The following AGBL1 variants were observed in gnomAD, a reference collection of about 807,000 sequenced individuals.
AGBL1 encodes AGBL carboxypeptidase 1.
Under a neutral mutation model 118.9 loss-of-function variants are expected in AGBL1, and 130 were observed. That is an observed-to-expected ratio of 1.09 (90% CI 0.95 to 1.26). The LOEUF (loss-of-function observed/expected upper bound fraction) is 1.26. Ranked by LOEUF, AGBL1 falls within the 50% of genes most tolerant of loss-of-function variation. AGBL1 has a pLI of 0.00. For missense variants in AGBL1, 1,584 were observed against 1,298.1 expected, an observed-to-expected ratio of 1.22 and a Z score of -3.38; for synonymous variants, 555 against 478.9, an observed-to-expected ratio of 1.16 and a Z score of -2.08.
At chr15:86,161,841 C>G (rs142577596) in intron 5 of AGBL1, among the ~76,000 whole-genome samples, 9 of 152,282 alleles carry the variant, frequency 5.9e-5, no homozygotes, top group African/African-American at 1.9e-4. Context: ...CTACCAGATT[C>G]CTTGGCGAGT....
intron 1 of AGBL1, among the ~76,000 whole-genome samples, chr15:86,118,513 C>A (rs1897902343): frequency 6.6e-6 from 1 of 151,114 alleles, no homozygotes; most frequent in Non-Finnish European, 1.5e-5. Flanking sequence ...TCTTAAATTT[C>A]CTTTATTTGG....
chr15:86,406,568 A>G (rs1392775907), intron 18 of AGBL1, among the ~76,000 whole-genome samples: 1 of 152,186 alleles, frequency 6.6e-6, no homozygotes, highest in Non-Finnish European at 1.5e-5. Context: ...ATTATAATCT[A>G]TTATAATTAC....
chr15:86,699,311 T>G (rs188726286), intron 22 of AGBL1, among the ~76,000 whole-genome samples: 5 of 152,162 alleles, frequency 3.3e-5, no homozygotes, highest in Admixed American at 1.3e-4. Context: ...GTGCATTTCC[T>G]AAAAATATAT....
At chr15:86,571,988 T>C (rs1426213822) in intron 21 of AGBL1, among the ~76,000 whole-genome samples, 1 of 152,170 alleles carries the variant, frequency 6.6e-6, no homozygotes, top group African/African-American at 2.4e-5. Flanking sequence ...CTCCCTCCCA[T>C]GCTTGTTGGT....
intron 22 of AGBL1, among the ~76,000 whole-genome samples, chr15:86,718,554 G>A (rs1231600356): frequency 6.6e-6 from 1 of 152,152 alleles, no homozygotes; most frequent in Non-Finnish European, 1.5e-5. Context: ...AAACCATCCT[G>A]TGTTGATGGA....
At chr15:86,461,434 A>T (rs543376638) in intron 18 of AGBL1, among the ~76,000 whole-genome samples, 1 of 152,280 alleles carries the variant, frequency 6.6e-6, no homozygotes, top group South Asian at 2.1e-4. Flanking sequence ...CCTGGACCGC[A>T]TCTGAGAAGA....
intron 17 of AGBL1, among the ~76,000 whole-genome samples, chr15:86,342,696 T>G (rs1410086777): frequency 6.6e-6 from 1 of 152,192 alleles, no homozygotes; most frequent in Non-Finnish European, 1.5e-5. Context: ...CGCTGTGAAA[T>G]GAAGCTTCTC....
intron 21 of AGBL1, among the ~76,000 whole-genome samples, chr15:86,597,191 G>C (rs1470974341): frequency 6.7e-6 from 1 of 148,990 alleles, no homozygotes; most frequent in Non-Finnish European, 1.5e-5. Flanking sequence ...TATCTAGCTA[G>C]CTAGCCAGCT....
At chr15:86,998,762 T>C (rs1299097750) in intron 24 of AGBL1, among the ~76,000 whole-genome samples, 1 of 152,108 alleles carries the variant, frequency 6.6e-6, no homozygotes, top group African/African-American at 2.4e-5. Context: ...TGACTGCAAA[T>C]TGCACAGATG....
intron 22 of AGBL1, among the ~76,000 whole-genome samples, chr15:86,778,179 G>C (rs1009536090): frequency 6.6e-6 from 1 of 152,134 alleles, no homozygotes; most frequent in Non-Finnish European, 1.5e-5. Context: ...TATGAATAGG[G>C]TGTGGGTCAC....
At chr15:86,259,096 G>A (rs1270888053) in intron 9 of AGBL1, among the ~76,000 whole-genome samples, 1 of 152,168 alleles carries the variant, frequency 6.6e-6, no homozygotes, top group Admixed American at 6.5e-5. Context: ...GGCACTGTTG[G>A]CATTTAGACC....
At chr15:86,169,530 A>G (rs1466834124) in intron 5 of AGBL1, among the ~76,000 whole-genome samples, 1 of 152,198 alleles carries the variant, frequency 6.6e-6, no homozygotes, top group Non-Finnish European at 1.5e-5. Context: ...TAGATACCAA[A>G]ATCTGTGGAG....
At chr15:87,017,983 C>T (rs376697976) in intron 24 of AGBL1, among the ~76,000 whole-genome samples, 3 of 136,774 alleles carry the variant, frequency 2.2e-5, no homozygotes, top group African/African-American at 7.4e-5. Context: ...AAACATAACA[C>T]GAGAAATTTA....
chr15:86,101,967 T>G (rs1460412785), intron 1 of AGBL1, among the ~76,000 whole-genome samples: 1 of 152,192 alleles, frequency 6.6e-6, no homozygotes, highest in African/African-American at 2.4e-5. Flanking sequence ...CCTTTCTTTC[T>G]CTCACATTGT....
rs200576119 is a variant in AGBL1, at chr15:86,776,760, G to A, written c.3158+102324G>A. 4.0e-3 allele frequency among the ~76,000 whole-genome samples: 357 copies of A among 89,268 alleles called. 3 individuals are homozygous for A. Among genetic ancestry groups the A allele is most frequent in the East Asian group, 0.02 (60 of 3,034 alleles). The allele number at this position is 89,268 out of a possible 152,430, so 58.6% of individuals were successfully genotyped here. Reference sequence around the variant, plus strand: ...GAATTATATATATATATGTGTGTGTGTGTGTGTGTGTGTGTGTGTGTGTGT... The same window carrying A: ...GAATTATATATATATATGTGTGTGTATGTGTGTGTGTGTGTGTGTGTGTGT... On this transcript the variant is annotated intron_variant, in intron 22 of 22. Transcript: ENST00000614907.
intron 23 of AGBL1, among the ~76,000 whole-genome samples, chr15:86,966,258 A>C (rs1486540795): frequency 1.3e-5 from 2 of 151,030 alleles, no homozygotes; most frequent in Non-Finnish European, 3.0e-5. Context: ...GTCTGAATTT[A>C]GGTGTGGGAT....
At chr15:86,730,341 T>C (rs1009176474) in intron 22 of AGBL1, among the ~76,000 whole-genome samples, 3 of 152,096 alleles carry the variant, frequency 2.0e-5, no homozygotes, top group Admixed American at 6.5e-5. Context: ...GAGAAAATAT[T>C]TGCAAACCAT....
intron 18 of AGBL1, among the ~76,000 whole-genome samples, chr15:86,449,392 A>T (rs2082165896): frequency 6.6e-6 from 1 of 152,230 alleles, no homozygotes; most frequent in South Asian, 2.1e-4. Flanking sequence ...CAAGTGGGTT[A>T]TGAGATCTTC....
chr15:86,565,311 T>G (rs1389749871), intron 21 of AGBL1, among the ~76,000 whole-genome samples: 2 of 152,228 alleles, frequency 1.3e-5, no homozygotes, highest in East Asian at 1.9e-4. Flanking sequence ...GGGGTTTTGG[T>G]GTGGATATCC....
Sources: allele counts gnomAD v4.1 joint callset (sites outside exome capture counted in the v4.1 genomes callset), GRCh38; gene constraint gnomAD v4.1.1; transcripts MANE v1.5; gene names NCBI Gene and HGNC (gene_info 2026-07-23, HGNC 2026-07-21).